The following B3GALNT2 variants were observed in gnomAD, a reference collection of about 807,000 sequenced individuals.
B3GALNT2 encodes UDP-GalNAc:beta-1,3-N-acetylgalactosaminyltransferase 2.
Under a neutral mutation model 61.1 loss-of-function variants are expected in B3GALNT2, and 53 were observed. The observed-to-expected ratio is 0.87, with a 90% CI of 0.70 to 1.09. B3GALNT2 has a LOEUF of 1.09. Among genes scored for constraint, B3GALNT2 ranks in the 50% least tolerant of loss-of-function variants. The probability of loss-of-function intolerance (pLI) is 0.00; values close to 1 mark genes in which losing one functional copy is unlikely to be tolerated. For synonymous variants in B3GALNT2, 223 were observed against 237.4 expected (o/e 0.94, Z 0.56); for missense variants, 544 against 623.0 (o/e 0.87, Z 1.35).
intron 1 of B3GALNT2, among the ~76,000 whole-genome samples, chr1:235,496,574 C>A (rs573295893): frequency 1.2e-3 from 181 of 149,262 alleles, no homozygotes; most frequent in Non-Finnish European, 9.3e-4. Context: ...TGACGGAGTC[C>A]CACTCTGTGG....
At chr1:235,451,760 C>T (rs1430133147) in intron 11 of B3GALNT2, 3 of 152,112 alleles carry the variant, frequency 2.0e-5, no homozygotes, top group African/African-American at 7.2e-5. Flanking sequence ...GCCTTCTGTC[C>T]CCTGCACCTT....
At chr1:235,503,219 C>T (rs1685664946) in intron 1 of B3GALNT2, among the ~76,000 whole-genome samples, 1 of 152,128 alleles carries the variant, frequency 6.6e-6, no homozygotes, top group Non-Finnish European at 1.5e-5. Flanking sequence ...GAAAAAAGTC[C>T]CAGTATAGTT....
chr1:235,494,456 C>CT (rs34730227), intron 2 of B3GALNT2, among the ~76,000 whole-genome samples: 66,793 of 147,828 alleles, frequency 0.45, 15,293 homozygotes, highest in Non-Finnish European at 0.5. Flanking sequence ...TTTTTCAGAA[C>CT]TTTTTTTTTT....
At chr1:235,465,781 A>G (rs1683665906) in intron 6 of B3GALNT2, 67 bp from the exon 7 acceptor site, 2 of 1,577,116 alleles carry the variant, frequency 1.3e-6, no homozygotes, top group Middle Eastern at 3.4e-4. Context: ...TTTAAAATCG[A>G]TTTGACAAAA....
chr1:235,470,704 C>A, intron 6 of B3GALNT2, 146 bp downstream of exon 6: 5 of 1,241,730 alleles, frequency 4.0e-6, no homozygotes, highest in Non-Finnish European at 5.2e-6. Flanking sequence ...ACTATGAAGA[C>A]AACAACATTT....
chr1:235,494,184 T>C (rs1572556475), intron 2 of B3GALNT2, among the ~76,000 whole-genome samples: 1 of 152,330 alleles, frequency 6.6e-6, no homozygotes, highest in African/African-American at 2.4e-5. Flanking sequence ...CATGCACATG[T>C]GTCTAAGGAG....
At position 235,458,635 on chromosome 1, in the gene B3GALNT2, A is replaced by G; in HGVS notation, c.993T>C (p.Asn331=). Residue 331 remains asparagine (N), a synonymous_variant, in exon 8 of 12, where the codon AAT becomes AAC. Transcript: ENST00000366600. ...VFVDVVDTYR[N]VPAKLLNFYR... ...AGAAGTTCAATAATTTTGCAGGAAC[A>G]TTACGATAAGTGTCGACAACATCCA... 1 of 1,610,182 alleles carries G rather than the reference A, an allele frequency of 6.2e-7. No homozygotes were observed. The highest frequency in any genetic ancestry group is 1.1e-5 in the South Asian group (1 of 89,678).
Position 235,494,725 on chromosome 1 carries a change from GCTT to G in B3GALNT2, c.213_215del (p.Arg71del), listed in dbSNP as rs1273531260. On this transcript the variant is annotated inframe_deletion, in exon 2 of 12. Transcript: ENST00000366600. ...GCTGTAGCAAATGTCTCATCCAGGTGCTTCTTATCACGTTTCGAAGTTCATGGT... is the reference window on the plus strand; with the variant it reads ...GCTGTAGCAAATGTCTCATCCAGGTGCTTATCACGTTTCGAAGTTCATGGT... 2 of 1,613,030 alleles carry G rather than the reference GCTT, an allele frequency of 1.2e-6. No homozygotes were observed. Among genetic ancestry groups the G allele is most frequent in the East Asian group, 2.2e-5 (1 of 44,866 alleles).
chr1:235,482,582 C>T (rs1410130682), intron 4 of B3GALNT2, among the ~76,000 whole-genome samples: 1 of 151,230 alleles, frequency 6.6e-6, no homozygotes, highest in Admixed American at 6.6e-5. Context: ...AGTCTGTGTC[C>T]AGCCAATTTA....
chr1:235,470,333 T>C (rs57036447), intron 6 of B3GALNT2, among the ~76,000 whole-genome samples: 1 of 152,120 alleles, frequency 6.6e-6, no homozygotes, highest in African/African-American at 2.4e-5. Context: ...GGCTCATGCC[T>C]GTAATACAGC....
chr1:235,503,218 C>G (rs696245), intron 1 of B3GALNT2, among the ~76,000 whole-genome samples: 68,425 of 152,076 alleles, frequency 0.45, 16,052 homozygotes, highest in Non-Finnish European at 0.5. Flanking sequence ...GGAAAAAAGT[C>G]CCAGTATAGT....
chr1:235,469,187 G>A (rs1488791027), intron 6 of B3GALNT2, among the ~76,000 whole-genome samples: 4 of 152,130 alleles, frequency 2.6e-5, no homozygotes, highest in African/African-American at 7.2e-5. Flanking sequence ...CAGGTATGCA[G>A]GAAATGTTTT....
intron 5 of B3GALNT2, among the ~76,000 whole-genome samples, chr1:235,471,888 C>T (rs757980380): frequency 3.3e-5 from 5 of 152,034 alleles, no homozygotes; most frequent in Non-Finnish European, 7.4e-5. Context: ...GTCTGGAACT[C>T]CTGACCTCAA....
chr1:235,502,770 G>T (rs1323408107), intron 1 of B3GALNT2, among the ~76,000 whole-genome samples: 1 of 152,138 alleles, frequency 6.6e-6, no homozygotes, highest in African/African-American at 2.4e-5. Flanking sequence ...ACTTAATGAC[G>T]CTCTACAAGG....
At position 235,455,645 on chromosome 1, in the gene B3GALNT2, T is replaced by C. The variant is rs373246690; in HGVS notation, c.1065A>G (p.Thr355=). ...CGAGGTCTATGTAACAGTCATCATCTGTCTTCAGCAACAAATTGAAGCTCG... is the reference window on the plus strand; with the variant it reads ...CGAGGTCTATGTAACAGTCATCATCCGTCTTCAGCAACAAATTGAAGCTCG... The part of the protein sequence containing the change: ...ETTSFNLLLK[T]DDDCYIDLEA... Residue 355 remains threonine (T), a synonymous_variant, in exon 9 of 12, where the codon ACA becomes ACG. Transcript: ENST00000366600. The C allele has an allele frequency of 8.1e-6, 13 of 1,605,864 alleles. No homozygotes were observed. In the East Asian group the frequency reaches 1.6e-4, roughly 19 times the overall value.
At chr1:235,503,462 C>A (rs1479777275) in intron 1 of B3GALNT2, among the ~76,000 whole-genome samples, 1 of 152,156 alleles carries the variant, frequency 6.6e-6, no homozygotes, top group Non-Finnish European at 1.5e-5. Context: ...AGTTTTAGAG[C>A]AAATGGACAC....
chr1:235,478,254 T>A (rs371572630), intron 5 of B3GALNT2, among the ~76,000 whole-genome samples: 51 of 152,278 alleles, frequency 3.3e-4, no homozygotes, highest in African/African-American at 1.2e-3. Flanking sequence ...GGTTTTGCCA[T>A]CTTGGCCAGG....
chr1:235,485,793 C>A (rs1052450333), intron 3 of B3GALNT2, among the ~76,000 whole-genome samples: 11 of 152,062 alleles, frequency 7.2e-5, no homozygotes, highest in African/African-American at 1.2e-4. Flanking sequence ...AATATTTGTA[C>A]ACACACCTAT....
intron 11 of B3GALNT2, chr1:235,451,748 G>A (rs1682913186): frequency 1.3e-5 from 2 of 152,178 alleles, no homozygotes; most frequent in South Asian, 2.1e-4. Flanking sequence ...GACACTGCAT[G>A]TGCCTTCTGT....
Sources: gnomAD v4.1 joint callset for allele counts (sites outside exome capture counted in the v4.1 genomes callset) on GRCh38, gnomAD v4.1.1 for gene constraint, MANE v1.5 for transcripts, NCBI Gene and HGNC (gene_info 2026-07-23, HGNC 2026-07-21) for gene names.